The following RP1L1 variants were observed in gnomAD, a reference collection of about 807,000 sequenced individuals.
RP1L1 encodes the protein RP1 like 1, also known as retinitis pigmentosa 1-like 1 protein.
Under a neutral mutation model 15.7 loss-of-function variants are expected in RP1L1, and 27 were observed. That is an observed-to-expected ratio of 1.72 (90% CI 1.27 to 2.38). The LOEUF (loss-of-function observed/expected upper bound fraction) is 2.38, where lower values mean the gene tolerates loss of function less well. Among genes scored for constraint, RP1L1 ranks in the 30% most tolerant of loss-of-function variants. The pLI is 0.00. For missense variants in RP1L1, 4,798 were observed against 3,075.9 expected (o/e 1.56, Z -13.24); for synonymous variants, 1,813 against 1,276.7 (o/e 1.42, Z -8.96).
chr8:10,644,413 G>A (rs2117261506), intron 1 of RP1L1, among the ~76,000 whole-genome samples: 1 of 152,318 alleles, frequency 6.6e-6, no homozygotes, highest in South Asian at 2.1e-4. Flanking sequence ...GGGCTGGGCT[G>A]GTCTATCCAT....
chr8:10,612,168 G>T lies in RP1L1; in HGVS notation c.1930C>A (p.Arg644=), dbSNP rs747175878. The T allele has an allele frequency of 1.2e-6, 2 of 1,613,304 alleles. No homozygotes were observed. The highest frequency in any genetic ancestry group is 2.2e-5 in the East Asian group (1 of 44,886). ...SQQGQRRHRS[R]ASAMSSPSSP... is the part of the protein sequence containing the mutation. ...CTGGGTGAGGACATTGCACTGGCCC[G>T]GCTTCTGTGCCTTCTCTGCCCCTGC... Residue 644 remains arginine, a synonymous_variant, in exon 4 of 4, where the codon CGG becomes AGG. Coordinates refer to ENST00000382483, the MANE Select transcript of RP1L1 (RefSeq NM_178857.6).
intron 1 of RP1L1, among the ~76,000 whole-genome samples, chr8:10,633,268 C>G (rs1243722483): frequency 1.3e-5 from 2 of 152,148 alleles, no homozygotes. Context: ...ATGCTGACCT[C>G]TCTCTCCCTC....
At chr8:10,618,858 T>G (rs61073299) in intron 2 of RP1L1, among the ~76,000 whole-genome samples, 3,908 of 152,148 alleles carry the variant, frequency 0.026, 179 homozygotes, top group African/African-American at 0.089. Context: ...TTTCGTGTTT[T>G]TTTGTTTGTT....
rs977254638 is a variant in RP1L1 at position 10,622,451 on chromosome 8, T to G, written c.609+142A>C. The G allele has an allele frequency of 5.7e-6, 6 of 1,047,238 alleles. No homozygotes were observed. The Admixed American group carries it at 1.1e-4, about 18-fold the overall frequency. The allele number at this position is 1,047,238 out of a possible 1,614,324, so 64.9% of individuals were successfully genotyped here. ...TTGTTGATTTATTGACTTGACTGAGTGTCTCCATGCTGTTCACCTTTAATT... is the reference window on the plus strand; with the variant it reads ...TTGTTGATTTATTGACTTGACTGAGGGTCTCCATGCTGTTCACCTTTAATT... On this transcript the variant is annotated intron_variant, in intron 2 of 3. Transcript: ENST00000382483.
chr8:10,616,643 T>C, intron 2 of RP1L1, 56 bp from the exon 3 acceptor site: 1 of 1,557,104 alleles, frequency 6.4e-7, no homozygotes, highest in Non-Finnish European at 8.7e-7. Flanking sequence ...CCCTCTACCC[T>C]GAGGCCTGGG....
rs780019258 is a variant in RP1L1, at chr8:10,609,470, G to A, written c.4628C>T (p.Ala1543Val). The change falls in exon 4 of 4, where the codon GCA (alanine) becomes GTA (valine). Residue 1543 changes from alanine to valine, a missense_variant. Coordinates refer to ENST00000382483, the MANE Select transcript of RP1L1 (RefSeq NM_178857.6). Reference sequence around the variant, plus strand: ...ATCATTGTCCTGCAGGCCCCAGCGTGCTCGGAGCTCAGCCACCGCACTGGC... The same window carrying A: ...ATCATTGTCCTGCAGGCCCCAGCGTACTCGGAGCTCAGCCACCGCACTGGC... ...HLASAVAELR[A>V]RWGLQDNDLL... The A allele has an allele frequency of 2.5e-6, 4 of 1,611,948 alleles. No individual in the cohort carries two copies. The East Asian group carries it at 8.9e-5, about 36-fold the overall frequency.
Position 10,610,076 on chromosome 8 carries a change from GT to G in RP1L1, c.4021del (p.Thr1341LeufsTer16), listed in dbSNP as rs760615743. On this transcript the variant is annotated frameshift_variant, in exon 4 of 4. Transcript: ENST00000382483. LOFTEE classifies it low-confidence loss of function (END_TRUNC). ...LQEEGVQLEE[T>X]KETEGEGQQE... The stretch of plus-strand genomic sequence containing the variant: ...CTGTCCTTCTCCTTCTGTTTCTTTA[GT>G]TTCCTCTAACTGCACCCCCTCTTCT... The G allele has an allele frequency of 2.1e-4, 313 of 1,482,072 alleles. 9 individuals carry two copies. The highest frequency in any genetic ancestry group is 1.0e-3 in the Admixed American group (52 of 50,968). The allele number at this position is 1,482,072 out of a possible 1,614,324, so 91.8% of individuals were successfully genotyped here. A position where few individuals can be genotyped will look rare whatever the true frequency, so the allele number is the denominator to read the frequency against.
chr8:10,634,934 G>A (rs1052281128), intron 1 of RP1L1, among the ~76,000 whole-genome samples: 12 of 152,178 alleles, frequency 7.9e-5, no homozygotes, highest in Non-Finnish European at 2.9e-5. Flanking sequence ...GGAATAAGAG[G>A]CCCATCTCCC....
intron 1 of RP1L1, among the ~76,000 whole-genome samples, chr8:10,646,252 T>G (rs2117264201): frequency 6.6e-6 from 1 of 152,280 alleles, no homozygotes; most frequent in South Asian, 2.1e-4. Flanking sequence ...CTATTCTATC[T>G]CCATTTTATG....
Position 10,607,141 on chromosome 8 carries a change from T to C in RP1L1, c.6957A>G (p.Val2319=), listed in dbSNP as rs1357539114. ...CWQKDSENDH[V]LGDTRSPDAK... is the part of the protein sequence containing the mutation. ...CATCAGGGCTCCTTGTGTCTCCAAG[T>C]ACATGGTCATTTTCTGAGTCTTTCT... Residue 2319 remains valine (V), a synonymous_variant, in exon 4 of 4, where the codon GTA becomes GTG. Coordinates refer to ENST00000382483, the MANE Select transcript of RP1L1 (RefSeq NM_178857.6). 2 of 1,614,214 alleles carry C rather than the reference T, an allele frequency of 1.2e-6. No individual in the cohort carries two copies. The highest frequency in any genetic ancestry group is 3.3e-5 in the Admixed American group (2 of 60,026).
chr8:10,613,404 C>T (rs1226140305), intron 3 of RP1L1, 58 bp from the exon 4 acceptor site: 29 of 1,594,830 alleles, frequency 1.8e-5, no homozygotes, highest in South Asian at 1.5e-4. Flanking sequence ...ATGGGGGCAG[C>T]ATCAGGATAA....
chr8:10,631,411 ACACG>A, intron 1 of RP1L1, among the ~76,000 whole-genome samples: 1 of 150,136 alleles, frequency 6.7e-6, no homozygotes, highest in African/African-American at 2.4e-5. Flanking sequence ...ACACACGCAC[ACACG>A]CACACACACA....
chr8:10,609,447 C>T lies in RP1L1; in HGVS notation c.4651G>A (p.Asp1551Asn), dbSNP rs1355080315. The change falls in exon 4 of 4, where the codon GAT (aspartate) becomes AAT (asparagine). Residue 1551 changes from aspartate (D) to asparagine (N), a missense_variant. Asp to Asn is a conservative substitution (Grantham distance 23). Coordinates refer to ENST00000382483, the MANE Select transcript of RP1L1 (RefSeq NM_178857.6). ...LRARWGLQDN[D>N]LLDQMAAELQ... The stretch of plus-strand genomic sequence containing the variant: ...TCGGCCGCCATCTGGTCCAGCAGAT[C>T]ATTGTCCTGCAGGCCCCAGCGTGCT... The T allele has an allele frequency of 6.2e-7, 1 of 1,612,486 alleles. No individual in the cohort carries two copies. Among genetic ancestry groups the T allele is most frequent in the Admixed American group, 1.7e-5 (1 of 60,018 alleles).
At chr8:10,619,004 G>T (rs959661948) in intron 2 of RP1L1, among the ~76,000 whole-genome samples, 1 of 152,144 alleles carries the variant, frequency 6.6e-6, no homozygotes, top group East Asian at 1.9e-4. Flanking sequence ...CCCAGTAGCT[G>T]GGACTACAGG....
intron 3 of RP1L1, among the ~76,000 whole-genome samples, chr8:10,615,041 G>C (rs1350401406): frequency 6.6e-6 from 1 of 152,212 alleles, no homozygotes; most frequent in African/African-American, 2.4e-5. Flanking sequence ...CATCTGGGCA[G>C]AAGATGGCTT....
At chr8:10,621,122 T>G (rs757762778) in intron 2 of RP1L1, 1 of 152,310 alleles carries the variant, frequency 6.6e-6, no homozygotes, top group Non-Finnish European at 1.5e-5. Flanking sequence ...TAGGGTACTT[T>G]GATGGTGCTG....
Position 10,609,321 on chromosome 8 carries a change from C to T in RP1L1, c.4777G>A (p.Glu1593Lys), listed in dbSNP as rs1218108697. 6.2e-7 allele frequency: 1 copy of T among 1,611,774 alleles called. No individual in the cohort carries two copies. The highest frequency in any genetic ancestry group is 8.5e-7 in the Non-Finnish European group (1 of 1,179,800). ...AGGAGCAGCTCCCCGGTGAGGGCCT[C>T]CCTTGGAGGCTCCAGCACCATCCTA... ...AGRMVLEPPR[E>K]ALTGELLLQT... is the part of the protein sequence containing the mutation. The change falls in exon 4 of 4, where the codon GAG becomes AAG. Residue 1593 changes from glutamate (E) to lysine (K), a missense_variant. Coordinates refer to ENST00000382483, the MANE Select transcript of RP1L1 (RefSeq NM_178857.6).
chr8:10,610,579 C>G lies in RP1L1; in HGVS notation c.3519G>C (p.Trp1173Cys), dbSNP rs369351465. The change falls in exon 4 of 4, where the codon TGG becomes TGC. Residue 1173 changes from tryptophan to cysteine, a missense_variant. Trp to Cys is a radical substitution (Grantham distance 215). Coordinates refer to ENST00000382483, the MANE Select transcript of RP1L1 (RefSeq NM_178857.6). ...VGEDQLDSGL[W>C]ELTWSQALPD... is the part of the protein sequence containing the mutation. ...GCAGAGCCTGGCTCCATGTGAGCTCCCAGAGGCCTGAGTCCAGCTGGTCTT... is the reference window on the plus strand; with the variant it reads ...GCAGAGCCTGGCTCCATGTGAGCTCGCAGAGGCCTGAGTCCAGCTGGTCTT... 12 of 1,613,518 alleles carry G rather than the reference C, an allele frequency of 7.4e-6. No homozygotes were observed. In the African/African-American group the frequency reaches 1.5e-4, roughly 20 times the overall value.
chr8:10,627,324 C>T (rs181725814), intron 1 of RP1L1, among the ~76,000 whole-genome samples: 2 of 152,120 alleles, frequency 1.3e-5, no homozygotes, highest in Non-Finnish European at 1.5e-5. Flanking sequence ...GAAAATCTGG[C>T]CCATGCTGCA....
Sources: allele counts gnomAD v4.1 joint callset (sites outside exome capture counted in the v4.1 genomes callset), GRCh38; gene constraint gnomAD v4.1.1; transcripts MANE v1.5; gene names NCBI Gene and HGNC (gene_info 2026-07-23, HGNC 2026-07-21).